IL7: variants seen among roughly 807,000 people sequenced by gnomAD.
IL7 encodes the protein interleukin-7.
In IL7, 3 loss-of-function variants were observed where a neutral mutation model predicts 21.6. The observed-to-expected ratio is 0.14, with a 90% CI of 0.06 to 0.36. The LOEUF (loss-of-function observed/expected upper bound fraction) is 0.36. IL7 is among the 10% of genes least tolerant of loss of function. The probability of loss-of-function intolerance (pLI) is 1.00; values close to 1 mark genes in which losing one functional copy is unlikely to be tolerated. For missense variants in IL7, 175 were observed against 200.2 expected, an observed-to-expected ratio of 0.87 and a Z score of 0.76; for synonymous variants, 62 against 68.1, an observed-to-expected ratio of 0.91 and a Z score of 0.44.
chr8:78,692,471 G>T (rs1348206393), intron 3 of IL7, among the ~76,000 whole-genome samples: 2 of 152,084 alleles, frequency 1.3e-5, no homozygotes, highest in Non-Finnish European at 1.5e-5. Context: ...TTCTTTGCTG[G>T]TAATGTTTGG....
intron 5 of IL7, chr8:78,719,448 A>T (rs1811197736): frequency 6.6e-6 from 1 of 151,810 alleles, no homozygotes; most frequent in Non-Finnish European, 1.5e-5. Flanking sequence ...ATGTTGTGAC[A>T]ATATATTTAA....
In IL7 at chr8:78,738,623, A is replaced by T. The variant is rs369460395; in HGVS notation, c.241T>A (p.Leu81Ile). 9 of 1,613,338 alleles carry T rather than the reference A, an allele frequency of 5.6e-6. No homozygotes were observed. In the African/African-American group the frequency reaches 8.0e-5, roughly 14 times the overall value. The change falls in exon 4 of 6, where the codon TTA (leucine) becomes ATA (isoleucine). Residue 81 changes from leucine to isoleucine, a missense_variant. Transcript: ENST00000263851. ...CTCAACTTGCGAGCAGCACGGAATAAAAACATACCTTCCTATTATAGGAAA... is the reference window on the plus strand; with the variant it reads ...CTCAACTTGCGAGCAGCACGGAATATAAACATACCTTCCTATTATAGGAAA... ...ICDANKEGMF[L>I]FRAARKLRQF...
chr8:78,753,192 C>T (rs1451490794), intron 2 of IL7, among the ~76,000 whole-genome samples: 2 of 152,194 alleles, frequency 1.3e-5, no homozygotes, highest in East Asian at 1.9e-4. Context: ...AATTTACACT[C>T]CTACAAACAG....
chr8:78,803,083 AT>A (rs869300575), intron 1 of IL7, among the ~76,000 whole-genome samples: 1 of 152,152 alleles, frequency 6.6e-6, no homozygotes, highest in Non-Finnish European at 1.5e-5. Flanking sequence ...GGCCTTTTCC[AT>A]TTTTTAAAAA....
chr8:78,735,334 A>G (rs1811552235), intron 5 of IL7, among the ~76,000 whole-genome samples: 1 of 105,584 alleles, frequency 9.5e-6, no homozygotes, highest in South Asian at 2.9e-4. Context: ...TTGTTTTGAG[A>G]CGGAGTCCCA....
intron 5 of IL7, among the ~76,000 whole-genome samples, chr8:78,735,931 C>T (rs1278547377): frequency 6.6e-6 from 1 of 151,564 alleles, no homozygotes; most frequent in African/African-American, 2.4e-5. Flanking sequence ...AGTATTCTGC[C>T]TTATTAAGTC....
Position 78,738,491 on chromosome 8 carries a change from G to A in IL7, c.360+13C>T. 1 of 1,607,420 alleles carries A rather than the reference G, an allele frequency of 6.2e-7. No homozygotes were observed. On this transcript the variant is annotated intron_variant, in intron 4 of 5. Coordinates refer to ENST00000263851, the MANE Select transcript of IL7 (RefSeq NM_000880.4). ...TTAATATTTTTATTCAAAGTAAATA[G>A]TCCTTAGCTTACCTGGCCAGTGCAG... is the stretch of plus-strand genomic sequence containing the variant.
chr8:78,739,959 T>C lies in IL7; in HGVS notation c.228+43A>G, dbSNP rs553440510. On this transcript the variant is annotated intron_variant, in intron 3 of 5. Coordinates refer to ENST00000263851, the MANE Select transcript of IL7 (RefSeq NM_000880.4). ...GAGGCACAAAAAATAGAAGCTTCTA[T>C]AAAATCAAGCTTGAATGACAAACTC... The C allele has an allele frequency of 6.1e-6, 9 of 1,476,004 alleles. No individual in the cohort carries two copies. The East Asian group carries it at 2.1e-4, about 34-fold the overall frequency. 91.4% of individuals were successfully genotyped at this position (1,476,004 alleles called of 1,614,324 possible).
At chr8:78,751,000 G>C (rs1387463910) in intron 2 of IL7, among the ~76,000 whole-genome samples, 1 of 151,694 alleles carries the variant, frequency 6.6e-6, no homozygotes, top group Non-Finnish European at 1.5e-5. Flanking sequence ...GCCTTTGATG[G>C]GCTCATTAGT....
At chr8:78,762,110 A>T (rs1184045238) in intron 2 of IL7, 1 of 1,596,782 alleles carries the variant, frequency 6.3e-7, no homozygotes, top group East Asian at 2.2e-5. Flanking sequence ...ATCTTCACTC[A>T]GTTCTTTTAT....
At chr8:78,788,020 G>A (rs1208088526) in intron 2 of IL7, among the ~76,000 whole-genome samples, 3 of 152,260 alleles carry the variant, frequency 2.0e-5, no homozygotes, top group East Asian at 1.9e-4. Context: ...CCTTGGCCAA[G>A]ATAAGTTAAT....
intron 2 of IL7, among the ~76,000 whole-genome samples, chr8:78,746,623 TG>T (rs1811986826): frequency 6.6e-6 from 1 of 152,214 alleles, no homozygotes; most frequent in Non-Finnish European, 1.5e-5. Context: ...GGAGTATCTT[TG>T]TGCATATGTT....
At chr8:78,773,700 C>T (rs1017985616) in intron 2 of IL7, among the ~76,000 whole-genome samples, 38 of 151,990 alleles carry the variant, frequency 2.5e-4, no homozygotes, top group African/African-American at 8.0e-4. Context: ...TGTTGAGCAG[C>T]GATATGGCAT....
intron 3 of IL7, among the ~76,000 whole-genome samples, chr8:78,699,185 G>T (rs921036259): frequency 6.6e-6 from 1 of 152,050 alleles, no homozygotes; most frequent in African/African-American, 2.4e-5. Context: ...AAGCAGTGGG[G>T]TGATTCTCTT....
At chr8:78,786,632 A>C (rs1813517518) in intron 2 of IL7, among the ~76,000 whole-genome samples, 1 of 152,222 alleles carries the variant, frequency 6.6e-6, no homozygotes, top group Non-Finnish European at 1.5e-5. Flanking sequence ...ACTCCATTAT[A>C]ATCTTATGGG....
At chr8:78,795,108 G>A (rs1442272679) in intron 2 of IL7, among the ~76,000 whole-genome samples, 1 of 152,092 alleles carries the variant, frequency 6.6e-6, no homozygotes, top group African/African-American at 2.4e-5. Context: ...AACGGAGGTA[G>A]TAAGAGTGTC....
At chr8:78,678,656 A>G (rs1809663694) in intron 4 of IL7, 1 of 1,610,542 alleles carries the variant, frequency 6.2e-7, no homozygotes, top group Non-Finnish European at 8.5e-7. Flanking sequence ...TGATATTCCA[A>G]CAGTAAAACC....
intron 1 of IL7, among the ~76,000 whole-genome samples, chr8:78,798,496 T>G (rs1257908546): frequency 2.6e-5 from 4 of 152,070 alleles, no homozygotes; most frequent in Admixed American, 2.6e-4. Context: ...TCCAGGGTGT[T>G]AATCAATTTG....
rs1191243585 is a variant in IL7, at chr8:78,747,188, C to CTTTTT, written c.148-7111_148-7107dup. 87 of 255,160 alleles carry CTTTTT rather than the reference C, an allele frequency of 3.4e-4. 1 individual carries two copies. The highest frequency in any genetic ancestry group is 2.2e-3 in the African/African-American group (59 of 27,150). 15.8% of individuals were successfully genotyped at this position (255,160 alleles called of 1,614,324 possible). On this transcript the variant is annotated intron_variant, in intron 2 of 5. Transcript: ENST00000263851. ...GTCCCTATAGAAATATACTTCATTG[C>CTTTTT]TTTTTTTTTTTTTTTTTTTTTGAGA... is the stretch of plus-strand genomic sequence containing the variant.
Sources: allele counts gnomAD v4.1 joint callset (sites outside exome capture counted in the v4.1 genomes callset), GRCh38; gene constraint gnomAD v4.1.1; transcripts MANE v1.5; gene names NCBI Gene and HGNC (gene_info 2026-07-23, HGNC 2026-07-21).